The following RDH13 variants were observed in gnomAD, a reference collection of about 807,000 sequenced individuals.
RDH13 encodes the protein retinol dehydrogenase 13.
In RDH13, 35 loss-of-function variants were observed where a neutral mutation model predicts 28.3. That is an observed-to-expected ratio of 1.24 (90% CI 0.95 to 1.64). RDH13 has a LOEUF of 1.64. RDH13 is among the 40% of genes most tolerant of loss of function. The probability of loss-of-function intolerance (pLI) is 0.00; values close to 1 mark genes in which losing one functional copy is unlikely to be tolerated. For synonymous variants in RDH13, 229 were observed against 198.5 expected, an observed-to-expected ratio of 1.15 and a Z score of -1.29; for missense variants, 514 against 446.3, an observed-to-expected ratio of 1.15 and a Z score of -1.37.
upstream of RDH13, among the ~76,000 whole-genome samples, chr19:55,066,689 CT>C (rs1441398862): frequency 4.0e-5 from 6 of 151,068 alleles, no homozygotes; most frequent in Non-Finnish European, 8.9e-5. Context: ...CTCTTCCTCT[CT>C]CTCCTTCTTT....
chr19:55,065,352 C>T (rs186307334), upstream of RDH13, among the ~76,000 whole-genome samples: 67 of 151,552 alleles, frequency 4.4e-4, 2 homozygotes, highest in Admixed American at 1.5e-3. Context: ...CCACTGCACC[C>T]CAGGCTGGGT....
intron 3 of RDH13, among the ~76,000 whole-genome samples, 185 bp from the exon 4 acceptor site, chr19:55,048,948 C>T (rs1341141415): frequency 6.6e-6 from 1 of 152,044 alleles, no homozygotes; most frequent in East Asian, 1.9e-4. Flanking sequence ...TGACTGGTGT[C>T]CTTATAGGAA....
intron 3 of RDH13, among the ~76,000 whole-genome samples, chr19:55,053,382 G>C (rs1250143599): frequency 6.6e-6 from 1 of 152,118 alleles, no homozygotes. Flanking sequence ...GAGGCTGGGC[G>C]TGGTGGCTCA....
intron 3 of RDH13, among the ~76,000 whole-genome samples, chr19:55,055,738 A>G (rs562473289): frequency 6.6e-6 from 1 of 152,172 alleles, no homozygotes; most frequent in East Asian, 2.0e-4. Flanking sequence ...CTGTACTCCC[A>G]GCTACTTGGG....
intron 6 of RDH13, 58 bp downstream of exon 6, chr19:55,047,328 GC>G (rs1056913913): frequency 1.9e-6 from 3 of 1,579,450 alleles, no homozygotes. Context: ...TGGGCCCTGG[GC>G]TGAGAAAGCA....
At chr19:55,069,461 G>T (rs1215093497) in exon 1 of RDH13, 1 of 152,224 alleles carries the variant, frequency 6.6e-6, no homozygotes, top group African/African-American at 2.4e-5. Context: ...TCAGGGATGG[G>T]CCAGCCCATT....
rs781156210 is a variant in RDH13, at chr19:55,045,092, C to A, written c.978G>T (p.Glu326Asp). ...LVGLEAPSVR[E>D]QPLPR ...CCAGAGGTTATCTGGGGAGGGGCTG[C>A]TCCCTCACAGAGGGAGCCTCTAAGC... is the stretch of plus-strand genomic sequence containing the variant. The change falls in exon 7 of 7, where the codon GAG becomes GAT. Residue 326 changes from glutamate (E) to aspartate (D), a missense_variant. Coordinates refer to ENST00000415061, the MANE Select transcript of RDH13 (RefSeq NM_001145971.2). 1.2e-6 allele frequency: 2 copies of A among 1,606,596 alleles called. No individual in the cohort carries two copies. The highest frequency in any genetic ancestry group is 2.2e-5 in the South Asian group (2 of 90,280).
upstream of RDH13, among the ~76,000 whole-genome samples, chr19:55,065,756 T>C (rs983019297): frequency 6.7e-6 from 1 of 149,482 alleles, no homozygotes; most frequent in East Asian, 2.2e-4. Flanking sequence ...CTCTCTCCGA[T>C]GCCCAGGCTG....
intron 3 of RDH13, among the ~76,000 whole-genome samples, chr19:55,053,444 A>T (rs553431341): frequency 6.6e-6 from 1 of 151,906 alleles, no homozygotes; most frequent in East Asian, 1.9e-4. Flanking sequence ...TCATGAGGTC[A>T]GGAGATCGAG....
At chr19:55,060,783 G>C (rs1433685706) in intron 1 of RDH13, among the ~76,000 whole-genome samples, 1 of 152,114 alleles carries the variant, frequency 6.6e-6, no homozygotes, top group East Asian at 1.9e-4. Context: ...GCAGTGAGTC[G>C]AAATGGTGCC....
chr19:55,065,716 G>A (rs1021248164), upstream of RDH13, among the ~76,000 whole-genome samples: 13 of 151,594 alleles, frequency 8.6e-5, no homozygotes, highest in African/African-American at 1.5e-4. Flanking sequence ...TAAGCAGTGC[G>A]CCACAGTTCG....
At chr19:55,048,055 C>G (rs1162449815) in intron 5 of RDH13, 1 of 1,471,328 alleles carries the variant, frequency 6.8e-7, no homozygotes. Flanking sequence ...CTGGCTGGAG[C>G]CAAAAGGCTG....
At chr19:55,045,379 T>G (rs2075187170) in intron 6 of RDH13, 70 bp from the exon 7 acceptor site, 2 of 1,275,246 alleles carry the variant, frequency 1.6e-6, no homozygotes, top group Admixed American at 2.0e-5. Context: ...CGCTCCCCGG[T>G]CAGGGAGCTC....
chr19:55,057,457 G>A (rs941124525), intron 2 of RDH13, among the ~76,000 whole-genome samples: 1 of 148,592 alleles, frequency 6.7e-6, no homozygotes, highest in Non-Finnish European at 1.5e-5. Flanking sequence ...TTTTTAGATG[G>A]AGTCTCACTC....
intron 1 of RDH13, among the ~76,000 whole-genome samples, chr19:55,059,606 T>C (rs947844091): frequency 3.3e-5 from 5 of 151,400 alleles, no homozygotes; most frequent in Admixed American, 2.0e-4. Context: ...CGGGGGCGGA[T>C]CACTTGAGGT....
upstream of RDH13, chr19:55,067,381 G>A (rs1285967670): frequency 6.6e-6 from 1 of 152,242 alleles, no homozygotes; most frequent in Admixed American, 6.5e-5. Context: ...ACGGCCATGT[G>A]AGCCGGCAAG....
At chr19:55,050,130 G>A (rs1037423624) in intron 3 of RDH13, among the ~76,000 whole-genome samples, 2 of 151,028 alleles carry the variant, frequency 1.3e-5, no homozygotes, top group Admixed American at 1.3e-4. Context: ...TTTTTTGGGG[G>A]GGGGAGATGG....
upstream of RDH13, among the ~76,000 whole-genome samples, chr19:55,066,011 G>A (rs771662075): frequency 2.6e-5 from 4 of 152,274 alleles, no homozygotes; most frequent in Middle Eastern, 3.4e-3. Context: ...GAGCCACTGC[G>A]CCCAGCTACC....
chr19:55,064,653 A>T (rs965910621), upstream of RDH13, among the ~76,000 whole-genome samples: 6 of 150,656 alleles, frequency 4.0e-5, no homozygotes, highest in East Asian at 2.0e-4. Flanking sequence ...TCACTGTGTC[A>T]CCCAGGCTGG....
Sources: gnomAD v4.1 joint callset for allele counts (sites outside exome capture counted in the v4.1 genomes callset) on GRCh38, gnomAD v4.1.1 for gene constraint, MANE v1.5 for transcripts, NCBI Gene and HGNC (gene_info 2026-07-23, HGNC 2026-07-21) for gene names.